The following TMA16 variants were observed in gnomAD, a reference collection of about 807,000 sequenced individuals.
The protein encoded by TMA16 is translation machinery-associated protein 16.
TMA16 carries 26 observed loss-of-function variants against 27.1 expected under a neutral mutation model. The observed-to-expected ratio is 0.96, with a 90% CI of 0.70 to 1.33. TMA16 has a LOEUF of 1.33. Ranked by LOEUF, TMA16 falls within the 40% of genes most tolerant of loss-of-function variation. The probability of loss-of-function intolerance (pLI) is 0.00; values close to 1 mark genes in which losing one functional copy is unlikely to be tolerated. For missense variants in TMA16, 233 were observed against 241.4 expected, an observed-to-expected ratio of 0.97 and a Z score of 0.23; for synonymous variants, 71 against 81.9, an observed-to-expected ratio of 0.87 and a Z score of 0.72.
intron 2 of TMA16, among the ~76,000 whole-genome samples, chr4:163,508,602 A>C (rs1737749500): frequency 6.6e-6 from 1 of 152,176 alleles, no homozygotes; most frequent in African/African-American, 2.4e-5. Flanking sequence ...CCTTAATGTA[A>C]AGTGAAAGGA....
intron 3 of TMA16, among the ~76,000 whole-genome samples, chr4:163,513,749 T>C (rs1325243630): frequency 6.6e-6 from 1 of 152,230 alleles, no homozygotes; most frequent in Non-Finnish European, 1.5e-5. Flanking sequence ...TTTATTATTT[T>C]TGACAAGCTG....
intron 1 of TMA16, among the ~76,000 whole-genome samples, chr4:163,502,071 A>G (rs1737657338): frequency 6.6e-6 from 1 of 152,190 alleles, no homozygotes; most frequent in African/African-American, 2.4e-5. Flanking sequence ...AAATATGTAT[A>G]TATTAATATG....
chr4:163,508,977 G>A (rs1737754218), intron 2 of TMA16, among the ~76,000 whole-genome samples: 1 of 152,128 alleles, frequency 6.6e-6, no homozygotes, highest in Non-Finnish European at 1.5e-5. Flanking sequence ...AGAGTAGAAA[G>A]CACTTAATTT....
chr4:163,508,156 G>C (rs1226979512), intron 2 of TMA16, among the ~76,000 whole-genome samples: 1 of 152,004 alleles, frequency 6.6e-6, no homozygotes, highest in Non-Finnish European at 1.5e-5. Flanking sequence ...GATTTTTGCT[G>C]TATCTTTTTA....
At chr4:163,507,268 T>C in intron 2 of TMA16, 123 bp downstream of exon 2, 1 of 871,508 alleles carries the variant, frequency 1.1e-6, no homozygotes, top group African/African-American at 1.7e-5. Context: ...AAGTGTGTTC[T>C]GTATGCAGAG....
chr4:163,513,195 A>G (rs1308669507), intron 3 of TMA16, among the ~76,000 whole-genome samples: 1 of 152,094 alleles, frequency 6.6e-6, no homozygotes, highest in Non-Finnish European at 1.5e-5. Flanking sequence ...AGAAACCACA[A>G]TTCATATTTA....
At chr4:163,515,676 A>G (rs1022234504) in intron 5 of TMA16, 36 of 497,380 alleles carry the variant, frequency 7.2e-5, no homozygotes, top group Non-Finnish European at 1.2e-4. Flanking sequence ...ATGTGACATC[A>G]TGTCTTTTTT....
At chr4:163,507,233 TG>T in intron 2 of TMA16, 88 bp downstream of exon 2, 1 of 1,129,114 alleles carries the variant, frequency 8.9e-7, no homozygotes, top group Non-Finnish European at 1.3e-6. Context: ...TTCACAGTAT[TG>T]TCTCCCTTTC....
chr4:163,503,874 CTG>C (rs1737682988), intron 1 of TMA16, among the ~76,000 whole-genome samples: 2 of 152,092 alleles, frequency 1.3e-5, no homozygotes, highest in African/African-American at 4.8e-5. Flanking sequence ...CTGTGTCTCA[CTG>C]TATATTCATA....
intron 2 of TMA16, among the ~76,000 whole-genome samples, chr4:163,509,356 A>T (rs1412653078): frequency 6.6e-6 from 1 of 152,206 alleles, no homozygotes; most frequent in Non-Finnish European, 1.5e-5. Flanking sequence ...GAACTTGGGT[A>T]CCTGTGGCTT....
chr4:163,507,217 T>C (rs1737730456), intron 2 of TMA16, 72 bp downstream of exon 2: 5 of 1,295,188 alleles, frequency 3.9e-6, no homozygotes, highest in South Asian at 1.3e-5. Context: ...TTCAAACATA[T>C]ATCCTTTCAC....
intron 1 of TMA16, among the ~76,000 whole-genome samples, chr4:163,502,724 A>G (rs1737664696): frequency 6.6e-6 from 1 of 152,148 alleles, no homozygotes; most frequent in African/African-American, 2.4e-5. Flanking sequence ...GACACGTGTC[A>G]TTGCATCATA....
At chr4:163,510,030 AAAT>A (rs777643015) in intron 2 of TMA16, among the ~76,000 whole-genome samples, 11 of 152,186 alleles carry the variant, frequency 7.2e-5, no homozygotes, top group Non-Finnish European at 1.0e-4. Context: ...GTACTGTTTT[AAAT>A]AATTCTCACA....
chr4:163,499,048 C>G (rs1235720987), intron 1 of TMA16, among the ~76,000 whole-genome samples: 2 of 152,198 alleles, frequency 1.3e-5, no homozygotes, highest in Non-Finnish European at 2.9e-5. Context: ...CACACCCCCA[C>G]TAATGCAATG....
In TMA16 at chr4:163,512,865, TG is replaced by T. The variant is rs1374926128; in HGVS notation, c.154+9del. The T allele has an allele frequency of 1.9e-6, 3 of 1,604,884 alleles. No homozygotes were observed. ...CTTGCGTCTCAACCTTGTTGGTAAG[TG>T]GGTTTACTTATTTGAAACTCTGGCT... On this transcript the variant is annotated splice_region_variant and intron_variant, in intron 3 of 6. Coordinates refer to ENST00000358572, the MANE Select transcript of TMA16 (RefSeq NM_018352.3).
rs368249025 is a variant in TMA16 at position 163,519,641 on chromosome 4, T to A, written c.*127T>A. 7.9e-4 allele frequency: 756 copies of A among 954,418 alleles called. 10 individuals carry two copies. In the South Asian group the frequency reaches 0.014, roughly 18 times the overall value. The allele number at this position is 954,418 out of a possible 1,614,324, so 59.1% of individuals were successfully genotyped here. A position where few individuals can be genotyped will look rare whatever the true frequency, so the allele number is the denominator to read the frequency against. ...TCTCTTATATGATGAGAGTTTCATT[T>A]GCGTTTCAAAAATGGTGTTATGATA... On this transcript the variant is annotated 3_prime_UTR_variant, in exon 7 of 7. Coordinates refer to ENST00000358572, the MANE Select transcript of TMA16 (RefSeq NM_018352.3).
intron 1 of TMA16, among the ~76,000 whole-genome samples, chr4:163,496,823 C>G (rs1051422262): frequency 7.3e-5 from 9 of 123,828 alleles, no homozygotes; most frequent in African/African-American, 2.7e-4. Context: ...GTCTCGAACC[C>G]CTGACCTCAA....
At chr4:163,495,388 C>T (rs981957115) in intron 1 of TMA16, among the ~76,000 whole-genome samples, 2 of 152,156 alleles carry the variant, frequency 1.3e-5, no homozygotes, top group Non-Finnish European at 2.9e-5. Flanking sequence ...TCTCGTTTAC[C>T]CATTTTGTAG....
chr4:163,515,181 G>A, intron 4 of TMA16, 132 bp from the exon 5 acceptor site: 1 of 879,632 alleles, frequency 1.1e-6, no homozygotes, highest in Non-Finnish European at 1.6e-6. Context: ...AGAGGTTTGA[G>A]GACCTGAGGA....
Sources: gnomAD v4.1 joint callset for allele counts (sites outside exome capture counted in the v4.1 genomes callset) on GRCh38, gnomAD v4.1.1 for gene constraint, MANE v1.5 for transcripts, NCBI Gene and HGNC (gene_info 2026-07-23, HGNC 2026-07-21) for gene names.